The following ENOX2 variants were observed in gnomAD, a reference collection of about 807,000 sequenced individuals.
ENOX2 encodes APK1 antigen.
A neutral mutation model predicts 45.0 loss-of-function variants in ENOX2; 36 were observed. That is an observed-to-expected ratio of 0.80 (90% CI 0.61 to 1.06). The LOEUF (loss-of-function observed/expected upper bound fraction) is 1.06. ENOX2 is among the 50% of genes least tolerant of loss of function. The probability of loss-of-function intolerance (pLI) is 0.00; values close to 1 mark genes in which losing one functional copy is unlikely to be tolerated. For synonymous variants in ENOX2, 174 were observed against 152.3 expected, an observed-to-expected ratio of 1.14 and a Z score of -1.05; for missense variants, 423 against 462.5, an observed-to-expected ratio of 0.91 and a Z score of 0.78.
intron 3 of ENOX2, among the ~76,000 whole-genome samples, chrX:130,715,236 G>A (rs1603319260): frequency 1.8e-5 from 2 of 111,714 alleles, no homozygotes; most frequent in Middle Eastern, 4.6e-3. Flanking sequence ...TGGGGGTAGG[G>A]GGTGGGACCC....
intron 3 of ENOX2, among the ~76,000 whole-genome samples, chrX:130,720,005 G>A (rs2038434572): frequency 8.9e-6 from 1 of 112,372 alleles, no homozygotes; most frequent in African/African-American, 3.2e-5. Context: ...ACTATGTTCT[G>A]AATATGTTCA....
At chrX:130,667,893 C>T in intron 7 of ENOX2, 151 bp from the exon 8 acceptor site, 1 of 437,961 alleles carries the variant, frequency 2.3e-6, no homozygotes, top group Non-Finnish European at 3.9e-6. Context: ...CATGTGCACA[C>T]ACAGGCAGTA....
At chrX:130,850,511 T>G (rs760610526) in intron 2 of ENOX2, among the ~76,000 whole-genome samples, 2 of 112,067 alleles carry the variant, frequency 1.8e-5, no homozygotes, top group Non-Finnish European at 3.8e-5. Context: ...TCTCCATTAT[T>G]CATTCTATTA....
chrX:130,716,459 C>A (rs2038332222), intron 3 of ENOX2, among the ~76,000 whole-genome samples: 1 of 112,013 alleles, frequency 8.9e-6, no homozygotes, highest in African/African-American at 3.2e-5. Context: ...TCTCCTGATC[C>A]CCCCATCTGT....
intron 10 of ENOX2, among the ~76,000 whole-genome samples, chrX:130,638,669 C>T (rs1045274937): frequency 9.0e-6 from 1 of 111,619 alleles, no homozygotes; most frequent in East Asian, 2.8e-4. Flanking sequence ...GGGCAAACAG[C>T]TGCCCCCAAA....
intron 2 of ENOX2, among the ~76,000 whole-genome samples, chrX:130,841,485 C>T (rs1407008828): frequency 8.9e-6 from 1 of 111,976 alleles, no homozygotes; most frequent in Non-Finnish European, 1.9e-5. Context: ...GACATGATTT[C>T]CCAATAATCC....
chrX:130,755,447 T>C (rs1262087019), intron 3 of ENOX2, among the ~76,000 whole-genome samples: 2 of 111,579 alleles, frequency 1.8e-5, no homozygotes, highest in South Asian at 3.8e-4. Context: ...AGGAGAGCTA[T>C]GTGACTTTGG....
intron 10 of ENOX2, among the ~76,000 whole-genome samples, chrX:130,638,662 C>T (rs1025592836): frequency 9.0e-6 from 1 of 111,519 alleles, no homozygotes; most frequent in African/African-American, 3.3e-5. Flanking sequence ...GGTTACAGGG[C>T]AAACAGCTGC....
At chrX:130,719,782 C>T (rs761068893) in intron 3 of ENOX2, among the ~76,000 whole-genome samples, 3 of 112,535 alleles carry the variant, frequency 2.7e-5, no homozygotes, top group South Asian at 3.7e-4. Context: ...ATAAAATCCA[C>T]GACCATTCTC....
chrX:130,732,375 T>C (rs1471572152), intron 3 of ENOX2, among the ~76,000 whole-genome samples: 1 of 111,821 alleles, frequency 8.9e-6, no homozygotes, highest in African/African-American at 3.2e-5. Flanking sequence ...TGAAAAGACA[T>C]TCCATGTTCA....
Position 130,866,046 on chromosome X carries a change from C to A in ENOX2, c.-183+35638G>T, listed in dbSNP as rs895514887. Among the ~76,000 whole-genome samples the A allele has an allele frequency of 2.7e-5, 3 of 111,594 alleles. No individual in the cohort carries two copies. In the Admixed American group the frequency reaches 2.9e-4, roughly 11 times the overall value. On this transcript the variant is annotated intron_variant, in intron 2 of 14. Coordinates refer to ENST00000394363, the MANE Select transcript of ENOX2 (RefSeq NM_006375.4). ...TTTCTATTATGCAATCTCACACTTTCAACAAACAAGTTAATAACCTAGTCA... is the reference window on the plus strand; with the variant it reads ...TTTCTATTATGCAATCTCACACTTTAAACAAACAAGTTAATAACCTAGTCA...
chrX:130,757,819 G>A (rs1003919053), intron 3 of ENOX2, among the ~76,000 whole-genome samples: 1 of 109,200 alleles, frequency 9.2e-6, no homozygotes, highest in Non-Finnish European at 1.9e-5. Context: ...CTGCAGCCTC[G>A]ACCTCCCAGG....
At chrX:130,626,883 A>G (rs891085778) in intron 14 of ENOX2, among the ~76,000 whole-genome samples, 1 of 111,636 alleles carries the variant, frequency 9.0e-6, no homozygotes, top group Non-Finnish European at 1.9e-5. Context: ...CCCAGATCCT[A>G]TGAAATAGGC....
intron 6 of ENOX2, among the ~76,000 whole-genome samples, chrX:130,676,131 A>T (rs1402384305): frequency 9.0e-6 from 1 of 111,567 alleles, no homozygotes; most frequent in Non-Finnish European, 1.9e-5. Context: ...TACCTTGCCT[A>T]TTCTCCCAGA....
intron 3 of ENOX2, among the ~76,000 whole-genome samples, chrX:130,767,287 T>C (rs2039639287): frequency 8.9e-6 from 1 of 111,877 alleles, no homozygotes; most frequent in Non-Finnish European, 1.9e-5. Flanking sequence ...AGCAGGAACA[T>C]ATATTGTTTT....
chrX:130,774,304 T>C (rs943497477), intron 3 of ENOX2, among the ~76,000 whole-genome samples: 1 of 111,998 alleles, frequency 8.9e-6, no homozygotes, highest in Admixed American at 9.5e-5. Flanking sequence ...TGAAATAGCA[T>C]AGACACCTGG....
At chrX:130,633,807 G>C (rs1220169232) in intron 12 of ENOX2, among the ~76,000 whole-genome samples, 1 of 112,320 alleles carries the variant, frequency 8.9e-6, no homozygotes, top group Non-Finnish European at 1.9e-5. Flanking sequence ...CTATGTGGCA[G>C]CTCTGGGACA....
At chrX:130,708,724 T>C (rs1019120300) in intron 3 of ENOX2, among the ~76,000 whole-genome samples, 2 of 112,218 alleles carry the variant, frequency 1.8e-5, no homozygotes, top group Admixed American at 9.4e-5. Context: ...TATATGAGTA[T>C]ACAAAAGAGT....
intron 6 of ENOX2, among the ~76,000 whole-genome samples, chrX:130,679,189 T>A (rs1172155143): frequency 2.7e-5 from 3 of 110,865 alleles, no homozygotes; most frequent in African/African-American, 9.8e-5. Flanking sequence ...GTGACTCTAG[T>A]CAGAGGAAAA....
Sources: allele counts gnomAD v4.1 joint callset (sites outside exome capture counted in the v4.1 genomes callset), GRCh38; gene constraint gnomAD v4.1.1; transcripts MANE v1.5; gene names NCBI Gene and HGNC (gene_info 2026-07-23, HGNC 2026-07-21).